SLC24A1: variants seen among roughly 807,000 people sequenced by gnomAD.
SLC24A1 encodes sodium/potassium/calcium exchanger 1.
A neutral mutation model predicts 88.1 loss-of-function variants in SLC24A1; 52 were observed. That is an observed-to-expected ratio of 0.59 (90% CI 0.47 to 0.74). The LOEUF is 0.74. Ranked by LOEUF, SLC24A1 falls within the 30% of genes least tolerant of loss-of-function variation. The probability of loss-of-function intolerance (pLI) is 0.00; values close to 1 mark genes in which losing one functional copy is unlikely to be tolerated. For missense variants in SLC24A1, 1,173 were observed against 1,363.3 expected, an observed-to-expected ratio of 0.86 and a Z score of 2.20; for synonymous variants, 455 against 498.0, an observed-to-expected ratio of 0.91 and a Z score of 1.15.
intron 2 of SLC24A1, among the ~76,000 whole-genome samples, chr15:65,630,121 AC>A (rs1166842176): frequency 1.3e-5 from 2 of 151,886 alleles, no homozygotes; most frequent in Non-Finnish European, 2.9e-5. Flanking sequence ...ATGCCACCAC[AC>A]CCAGCTAATT....
In SLC24A1 at chr15:65,625,890, A is replaced by G. The variant is rs1260326940; in HGVS notation, c.1810A>G (p.Lys604Glu). 2 of 1,614,020 alleles carry G rather than the reference A, an allele frequency of 1.2e-6. No individual in the cohort carries two copies. The highest frequency in any genetic ancestry group is 1.7e-6 in the Non-Finnish European group (2 of 1,179,896). The change falls in exon 2 of 10, where the codon AAG (lysine) becomes GAG (glutamate). Residue 604 changes from lysine to glutamate, a missense_variant. Transcript: ENST00000261892. ...CTATGTGTTCACCATGAAGTGGAAC[A>G]AGCATATCGAGGTCTGGGTGAAGGA... ...AFYVFTMKWN[K>E]HIEVWVKEQL...
At chr15:65,639,892 C>T (rs1461589289) in intron 4 of SLC24A1, among the ~76,000 whole-genome samples, 189 bp downstream of exon 4, 3 of 152,152 alleles carry the variant, frequency 2.0e-5, no homozygotes, top group Non-Finnish European at 4.4e-5. Flanking sequence ...AGGGGACTCA[C>T]CAAGAGAGGG....
chr15:65,631,893 G>A (rs776821973), intron 2 of SLC24A1, among the ~76,000 whole-genome samples: 7 of 152,012 alleles, frequency 4.6e-5, no homozygotes, highest in African/African-American at 9.7e-5. Context: ...GTGCAGTGGC[G>A]CGATCTCAGC....
intron 2 of SLC24A1, among the ~76,000 whole-genome samples, chr15:65,632,434 C>T (rs981526100): frequency 2.0e-5 from 3 of 152,044 alleles, no homozygotes; most frequent in Non-Finnish European, 4.4e-5. Context: ...TTTAGGGAGA[C>T]ACTTTGGAAT....
intron 6 of SLC24A1, among the ~76,000 whole-genome samples, chr15:65,646,021 C>T (rs751109050): frequency 5.9e-5 from 9 of 152,158 alleles, no homozygotes; most frequent in Non-Finnish European, 1.3e-4. Flanking sequence ...AGCTCCTGAG[C>T]ACTGGGAAGC....
chr15:65,647,734 C>T (rs911531143), intron 6 of SLC24A1, among the ~76,000 whole-genome samples: 2 of 152,112 alleles, frequency 1.3e-5, no homozygotes, highest in African/African-American at 4.8e-5. Flanking sequence ...GCATTCTCTA[C>T]CTGATGGGGG....
At chr15:65,651,826 T>A (rs1032931830) in intron 8 of SLC24A1, 67 bp downstream of exon 8, 2 of 808,370 alleles carry the variant, frequency 2.5e-6, no homozygotes, top group Admixed American at 3.8e-5. Flanking sequence ...TCAGGATCAA[T>A]CTCCGGTACT....
chr15:65,616,349 T>C (rs970109507), intron 2 of SLC24A1, among the ~76,000 whole-genome samples: 5 of 152,208 alleles, frequency 3.3e-5, no homozygotes, highest in African/African-American at 7.2e-5. Flanking sequence ...CCACCAACAG[T>C]GTAAAAGCAT....
At chr15:65,626,989 G>C (rs1010996290) in intron 2 of SLC24A1, among the ~76,000 whole-genome samples, 6 of 152,146 alleles carry the variant, frequency 3.9e-5, no homozygotes, top group African/African-American at 1.2e-4. Context: ...AGAAGCCGCT[G>C]GTGTGAGCAG....
intron 1 of SLC24A1, among the ~76,000 whole-genome samples, chr15:65,623,744 C>T (rs2074400170): frequency 6.6e-6 from 1 of 152,148 alleles, no homozygotes; most frequent in South Asian, 2.1e-4. Flanking sequence ...GGCATGCCTA[C>T]ATAGTACAGA....
intron 2 of SLC24A1, among the ~76,000 whole-genome samples, chr15:65,635,634 A>C (rs1169299730): frequency 2.0e-5 from 3 of 152,070 alleles, no homozygotes; most frequent in Admixed American, 6.6e-5. Context: ...CCCCCTTCAT[A>C]TGCAGATTGG....
downstream of SLC24A1, among the ~76,000 whole-genome samples, chr15:65,658,937 G>C (rs892811751): frequency 6.6e-5 from 10 of 152,058 alleles, no homozygotes; most frequent in South Asian, 2.1e-4. Context: ...GGTAGTGTTA[G>C]GGTTTTAGAG....
intron 6 of SLC24A1, among the ~76,000 whole-genome samples, chr15:65,648,076 C>T (rs541437986): frequency 5.3e-5 from 8 of 152,120 alleles, no homozygotes; most frequent in African/African-American, 1.2e-4. Context: ...CTGGCTAACA[C>T]GGTGAAACCC....
chr15:65,641,361 TAAA>T (rs2075122679), intron 4 of SLC24A1, among the ~76,000 whole-genome samples: 1 of 146,658 alleles, frequency 6.8e-6, no homozygotes, highest in East Asian at 2.6e-4. Context: ...CATCTCTAAA[TAAA>T]CAAACAAACA....
intron 6 of SLC24A1, among the ~76,000 whole-genome samples, chr15:65,649,609 A>G (rs928648246): frequency 3.3e-5 from 5 of 152,220 alleles, no homozygotes; most frequent in African/African-American, 1.2e-4. Flanking sequence ...TAAGATGGGC[A>G]TAGTTTTATC....
At chr15:65,635,461 A>AG (rs1311267171) in intron 2 of SLC24A1, among the ~76,000 whole-genome samples, 4 of 148,412 alleles carry the variant, frequency 2.7e-5, no homozygotes, top group Non-Finnish European at 4.5e-5. Context: ...AAAAAAAAAA[A>AG]AAAAAAAAAG....
intron 3 of SLC24A1, 127 bp downstream of exon 3, chr15:65,638,308 G>A: frequency 1.4e-6 from 1 of 689,888 alleles, no homozygotes; most frequent in Non-Finnish European, 2.6e-6. Flanking sequence ...ACTCCTGGGA[G>A]CGCTGCCAGG....
At chr15:65,619,685 A>T (rs2074258713), upstream of SLC24A1, among the ~76,000 whole-genome samples, 1 of 152,186 alleles carries the variant, frequency 6.6e-6, no homozygotes, top group Non-Finnish European at 1.5e-5. Flanking sequence ...TCAGATGAAA[A>T]GTCTCGTTCC....
chr15:65,644,709 G>T (rs2075248256), intron 5 of SLC24A1, among the ~76,000 whole-genome samples, 196 bp downstream of exon 5: 1 of 152,210 alleles, frequency 6.6e-6, no homozygotes, highest in Non-Finnish European at 1.5e-5. Context: ...CTTCCCAGGT[G>T]CTGTCTTTCT....
Sources: allele counts gnomAD v4.1 joint callset (sites outside exome capture counted in the v4.1 genomes callset), GRCh38; gene constraint gnomAD v4.1.1; transcripts MANE v1.5; gene names NCBI Gene and HGNC (gene_info 2026-07-23, HGNC 2026-07-21).